PARD3B: variants seen among roughly 807,000 people sequenced by gnomAD.
The protein encoded by PARD3B is par-3 family cell polarity regulator beta, also known as partitioning defective 3 homolog B.
In PARD3B, 103 loss-of-function variants were observed where a neutral mutation model predicts 130.2. The ratio of observed to expected loss-of-function variants is 0.79; its 90% confidence interval spans 0.67 to 0.93. PARD3B has a LOEUF of 0.93. Ranked by LOEUF, PARD3B falls within the 40% of genes least tolerant of loss-of-function variation. The pLI is 0.00. For synonymous variants in PARD3B, 583 were observed against 553.2 expected, an observed-to-expected ratio of 1.05 and a Z score of -0.76; for missense variants, 1,609 against 1,499.2, an observed-to-expected ratio of 1.07 and a Z score of -1.21.
chr2:205,057,657 G>A (rs1236056515), intron 4 of PARD3B, among the ~76,000 whole-genome samples: 2 of 70,508 alleles, frequency 2.8e-5, no homozygotes, highest in African/African-American at 5.4e-5. Flanking sequence ...ATGTGTATAC[G>A]TACATATACA....
chr2:204,708,693 T>C (rs1271592616), intron 2 of PARD3B, among the ~76,000 whole-genome samples: 2 of 152,244 alleles, frequency 1.3e-5, no homozygotes, highest in East Asian at 3.8e-4. Context: ...ATTCTTCTCA[T>C]AGAATTGTAC....
chr2:204,652,182 T>C (rs2035503520), intron 1 of PARD3B, among the ~76,000 whole-genome samples: 1 of 151,794 alleles, frequency 6.6e-6, no homozygotes, highest in Non-Finnish European at 1.5e-5. Context: ...CCCCCGAAAA[T>C]CAGTTTTTCT....
chr2:204,855,902 A>G lies in PARD3B; in HGVS notation c.223-109250A>G, dbSNP rs963420399. 3.3e-5 allele frequency among the ~76,000 whole-genome samples: 5 copies of G among 152,270 alleles called. No individual in the cohort carries two copies. The East Asian group carries it at 7.7e-4, about 23-fold the overall frequency. ...GAATTTTTCTCTTTTTAAAGGCTAT[A>G]TAGTATTTCAGTGTAAACATACCAC... On this transcript the variant is annotated intron_variant, in intron 2 of 22. Coordinates refer to ENST00000406610, the MANE Select transcript of PARD3B (RefSeq NM_001302769.2).
chr2:205,304,207 G>C (rs2042109330), intron 18 of PARD3B, among the ~76,000 whole-genome samples: 1 of 152,126 alleles, frequency 6.6e-6, no homozygotes, highest in African/African-American at 2.4e-5. Flanking sequence ...GCTAAGCAAG[G>C]TTCCTCATGC....
chr2:204,966,405 C>T (rs1691255776), intron 3 of PARD3B, among the ~76,000 whole-genome samples: 1 of 152,166 alleles, frequency 6.6e-6, no homozygotes, highest in Non-Finnish European at 1.5e-5. Flanking sequence ...GGCTTTGTGG[C>T]AGCTTCTCTT....
chr2:204,708,848 C>T (rs199922302), intron 2 of PARD3B, among the ~76,000 whole-genome samples: 1 of 152,102 alleles, frequency 6.6e-6, no homozygotes, highest in Non-Finnish European at 1.5e-5. Context: ...CCTACATAGA[C>T]AGTCATTTGT....
At chr2:205,096,202 G>A (rs1188044296) in intron 4 of PARD3B, among the ~76,000 whole-genome samples, 1 of 151,954 alleles carries the variant, frequency 6.6e-6, no homozygotes, top group Admixed American at 6.6e-5. Flanking sequence ...TTAGTATTTG[G>A]TGCATTATGA....
chr2:205,304,272 G>C (rs960153671), intron 18 of PARD3B, among the ~76,000 whole-genome samples: 1 of 152,072 alleles, frequency 6.6e-6, no homozygotes, highest in African/African-American at 2.4e-5. Flanking sequence ...GACTTGCTGC[G>C]GTCCTGCTAT....
chr2:204,611,765 T>A (rs1035967937), intron 1 of PARD3B, among the ~76,000 whole-genome samples: 4 of 152,190 alleles, frequency 2.6e-5, no homozygotes, highest in African/African-American at 9.6e-5. Context: ...TGATCCACTT[T>A]TAAAAATCCA....
At chr2:204,573,372 C>G (rs770614077) in intron 1 of PARD3B, among the ~76,000 whole-genome samples, 2 of 152,144 alleles carry the variant, frequency 1.3e-5, no homozygotes, top group African/African-American at 4.8e-5. Context: ...AGTATGTATG[C>G]GTGACCTCAT....
intron 2 of PARD3B, among the ~76,000 whole-genome samples, chr2:204,795,138 G>A (rs1331821227): frequency 1.3e-5 from 2 of 152,160 alleles, no homozygotes; most frequent in Non-Finnish European, 2.9e-5. Flanking sequence ...GTTTAAGCTA[G>A]AGCTTAAGCT....
chr2:205,158,970 T>TA lies in PARD3B; in HGVS notation c.1620+64dup, dbSNP rs1341707962. On this transcript the variant is annotated intron_variant, in intron 11 of 22. Coordinates refer to ENST00000406610, the MANE Select transcript of PARD3B (RefSeq NM_001302769.2). This position sits in a 1 kb window ranked among gnomAD's most constrained non-coding sequence, Gnocchi z 5.4. ...CACTTGGAGATGTGACTGTTGTACTTAGAGACTGAATGGAGAAAGTGTCTG... is the reference window on the plus strand; with the variant it reads ...CACTTGGAGATGTGACTGTTGTACTTAAGAGACTGAATGGAGAAAGTGTCTG... 118 of 1,554,494 alleles carry TA rather than the reference T, an allele frequency of 7.6e-5. No individual in the cohort carries two copies. Among genetic ancestry groups the TA allele is most frequent in the Middle Eastern group, 2.3e-4 (1 of 4,378 alleles).
chr2:205,383,697 A>G (rs925382977), intron 18 of PARD3B, among the ~76,000 whole-genome samples: 3 of 152,110 alleles, frequency 2.0e-5, no homozygotes, highest in African/African-American at 4.8e-5. Context: ...GTCATGATAC[A>G]GAATAGTTCC....
intron 18 of PARD3B, among the ~76,000 whole-genome samples, chr2:205,394,503 C>A (rs1210705999): frequency 2.0e-5 from 3 of 152,116 alleles, no homozygotes; most frequent in Admixed American, 1.3e-4. Flanking sequence ...TATCTCTATC[C>A]TCCTCCCTTA....
chr2:205,273,096 T>C (rs2040803235), intron 16 of PARD3B, among the ~76,000 whole-genome samples: 1 of 152,238 alleles, frequency 6.6e-6, no homozygotes, highest in Non-Finnish European at 1.5e-5. Flanking sequence ...CATTGAAAAT[T>C]ATCTGTAAAC....
chr2:204,888,824 A>G (rs74698860), intron 2 of PARD3B, among the ~76,000 whole-genome samples: 6,798 of 152,168 alleles, frequency 0.045, 212 homozygotes, highest in Middle Eastern at 0.099. Context: ...TTGAGAATCC[A>G]ATAAAATGGT....
At chr2:204,938,148 A>G (rs566967147) in intron 2 of PARD3B, among the ~76,000 whole-genome samples, 4 of 152,288 alleles carry the variant, frequency 2.6e-5, no homozygotes, top group African/African-American at 7.2e-5. Context: ...TTTTAATACA[A>G]TTTCTCATTG....
chr2:204,935,061 A>G (rs983972613), intron 2 of PARD3B, among the ~76,000 whole-genome samples: 3 of 151,848 alleles, frequency 2.0e-5, no homozygotes, highest in Non-Finnish European at 4.4e-5. Flanking sequence ...CCTGATACCC[A>G]GACTTCTGTT....
At chr2:205,312,118 ACAGGTCT>A (rs1169543083) in intron 18 of PARD3B, among the ~76,000 whole-genome samples, 1 of 152,230 alleles carries the variant, frequency 6.6e-6, no homozygotes, top group Non-Finnish European at 1.5e-5. Flanking sequence ...AACAGCTGTT[ACAGGTCT>A]CATGTACAAT....
Sources: gnomAD v4.1 joint callset for allele counts (sites outside exome capture counted in the v4.1 genomes callset) on GRCh38, gnomAD v4.1.1 for gene constraint, Gnocchi (gnomAD v3.1) non-coding constraint, MANE v1.5 for transcripts, NCBI Gene and HGNC (gene_info 2026-07-23, HGNC 2026-07-21) for gene names.